DNAH3: variants seen among roughly 807,000 people sequenced by gnomAD.
The protein encoded by DNAH3 is dynein axonemal heavy chain 3.
Under a neutral mutation model 432.5 loss-of-function variants are expected in DNAH3, and 332 were observed. That is an observed-to-expected ratio of 0.77 (90% CI 0.70 to 0.84). The LOEUF is 0.84. Ranked by LOEUF, DNAH3 falls within the 40% of genes least tolerant of loss-of-function variation. The pLI, the probability that DNAH3 is intolerant of heterozygous loss-of-function variation, is 0.00. For missense variants in DNAH3, 4,861 were observed against 5,114.0 expected (o/e 0.95, Z 1.51); for synonymous variants, 1,956 against 1,900.2 (o/e 1.03, Z -0.76).
At chr16:20,965,411 C>T (rs750816736) in exon 53 of DNAH3, 1 of 1,519,586 alleles carries the variant, frequency 6.6e-7, no homozygotes, top group Non-Finnish European at 8.8e-7. Flanking sequence ...CCCCAGTAAT[C>T]TTCTATCATC....
chr16:21,034,621 G>A (rs1207154098), intron 35 of DNAH3, among the ~76,000 whole-genome samples: 1 of 152,184 alleles, frequency 6.6e-6, no homozygotes, highest in South Asian at 2.1e-4. Context: ...TTGCATTTAT[G>A]TGAATTTTAT....
intron 54 of DNAH3, among the ~76,000 whole-genome samples, chr16:20,956,467 A>G (rs1301099750): frequency 6.6e-6 from 1 of 152,042 alleles, no homozygotes; most frequent in Non-Finnish European, 1.5e-5. Flanking sequence ...AACGTGGACT[A>G]TTTCTTGTAT....
chr16:21,142,908 A>T (rs4783380), intron 3 of DNAH3, among the ~76,000 whole-genome samples: 109,559 of 152,008 alleles, frequency 0.72, 39,994 homozygotes, highest in East Asian at 1. Flanking sequence ...CTCAATAAAC[A>T]CAACAATCAA....
chr16:21,125,750 A>T (rs145209297), intron 8 of DNAH3, among the ~76,000 whole-genome samples: 108 of 152,270 alleles, frequency 7.1e-4, no homozygotes, highest in African/African-American at 2.5e-3. Context: ...TTCAAACTTC[A>T]TAGGGGGAAA....
intron 11 of DNAH3, among the ~76,000 whole-genome samples, chr16:21,120,455 G>A (rs984798046): frequency 6.6e-6 from 1 of 152,130 alleles, no homozygotes; most frequent in Non-Finnish European, 1.5e-5. Flanking sequence ...CTTGCAGTGA[G>A]TGAAGGTAAC....
At chr16:21,078,189 C>T (rs779882163) in intron 20 of DNAH3, among the ~76,000 whole-genome samples, 5 of 149,386 alleles carry the variant, frequency 3.3e-5, no homozygotes, top group Admixed American at 6.8e-5. Context: ...GCAGGAAAAT[C>T]GCTTGAACCC....
At chr16:21,098,813 G>T (rs1468938692) in intron 16 of DNAH3, 44 bp from the exon 17 acceptor site, 3 of 1,584,270 alleles carry the variant, frequency 1.9e-6, no homozygotes, top group Non-Finnish European at 1.7e-6. Context: ...TTTGCATTTT[G>T]TGCACTTTCA....
intron 37 of DNAH3, among the ~76,000 whole-genome samples, chr16:21,028,752 A>ATATAC (rs2152721530): frequency 6.6e-6 from 1 of 152,318 alleles, no homozygotes; most frequent in Non-Finnish European, 1.5e-5. Flanking sequence ...GCCTTGGAAT[A>ATATAC]TATACTAAGT....
intron 20 of DNAH3, among the ~76,000 whole-genome samples, chr16:21,078,028 C>A (rs757286834): frequency 1.3e-5 from 2 of 152,164 alleles, no homozygotes; most frequent in African/African-American, 4.8e-5. Context: ...GTAATCCCAG[C>A]ACTTTGGGAG....
chr16:21,076,177 T>A (rs2090969336), intron 20 of DNAH3, among the ~76,000 whole-genome samples: 1 of 152,112 alleles, frequency 6.6e-6, no homozygotes, highest in African/African-American at 2.4e-5. Flanking sequence ...GGAGAAAGGA[T>A]CTTTAAAGAG....
chr16:21,076,749 C>T (rs1226711499), intron 20 of DNAH3, among the ~76,000 whole-genome samples: 3 of 151,990 alleles, frequency 2.0e-5, no homozygotes, highest in African/African-American at 4.8e-5. Flanking sequence ...TAAAACTTAC[C>T]ATTGTGCTAC....
intron 53 of DNAH3, among the ~76,000 whole-genome samples, chr16:20,961,596 TGA>T (rs2084822805): frequency 1.3e-5 from 2 of 151,792 alleles, no homozygotes; most frequent in Admixed American, 1.3e-4. Context: ...GATATCCTTA[TGA>T]GAAGAGGAGA....
At chr16:21,070,409 A>G (rs1049963267) in intron 22 of DNAH3, among the ~76,000 whole-genome samples, 4 of 151,960 alleles carry the variant, frequency 2.6e-5, no homozygotes, top group Admixed American at 6.6e-5. Context: ...CAGCCTCCCA[A>G]GAAGCTGGGA....
At chr16:21,012,907 G>A (rs1209404239) in intron 41 of DNAH3, among the ~76,000 whole-genome samples, 5 of 151,964 alleles carry the variant, frequency 3.3e-5, no homozygotes, top group Non-Finnish European at 5.9e-5. Flanking sequence ...GACTACAGGT[G>A]AGCGCTACCA....
At chr16:20,980,171 AT>A (rs200068908) in intron 49 of DNAH3, among the ~76,000 whole-genome samples, 13,610 of 123,426 alleles carry the variant, frequency 0.11, 1,204 homozygotes, top group African/African-American at 0.26. Flanking sequence ...AGAAAAAAAA[AT>A]ATATATATAT....
chr16:20,980,162 GAA>G (rs10667143), intron 49 of DNAH3, among the ~76,000 whole-genome samples: 1 of 124,058 alleles, frequency 8.1e-6, no homozygotes, highest in Non-Finnish European at 1.6e-5. Flanking sequence ...TGACTTTGTA[GAA>G]AAAAAAATAT....
At chr16:21,106,524 C>T (rs1408532229) in exon 15 of DNAH3, 2 of 1,611,494 alleles carry the variant, frequency 1.2e-6, no homozygotes, top group Non-Finnish European at 8.5e-7. Context: ...GGAACTCCAG[C>T]CGTTCACTTG....
At chr16:21,088,485 C>G (rs2091445748) in intron 18 of DNAH3, among the ~76,000 whole-genome samples, 1 of 152,154 alleles carries the variant, frequency 6.6e-6, no homozygotes, top group South Asian at 2.1e-4. Context: ...CAATTTCCCT[C>G]TGGTTATGAT....
intron 27 of DNAH3, among the ~76,000 whole-genome samples, chr16:21,055,533 T>C (rs1360804898): frequency 6.6e-6 from 1 of 152,208 alleles, no homozygotes; most frequent in Non-Finnish European, 1.5e-5. Context: ...CTTTGTATTA[T>C]ATCTTTGTAT....
Sources: gnomAD v4.1 joint callset for allele counts (sites outside exome capture counted in the v4.1 genomes callset) on GRCh38, gnomAD v4.1.1 for gene constraint, MANE v1.5 for transcripts, NCBI Gene and HGNC (gene_info 2026-07-23, HGNC 2026-07-21) for gene names.